Variants in LRP1B observed in about 807,000 individuals in gnomAD.
LRP1B encodes the protein LDL receptor related protein 1B.
In LRP1B, 217 loss-of-function variants were observed where a neutral mutation model predicts 556.6. That is an observed-to-expected ratio of 0.39 (90% confidence interval 0.35 to 0.44). The LOEUF is 0.44. LRP1B is among the 20% of genes least tolerant of loss of function. The pLI, the probability that LRP1B is intolerant of heterozygous loss-of-function variation, is 1.00. For synonymous variants in LRP1B, 2,047 were observed against 1,865.8 expected, an observed-to-expected ratio of 1.10 and a Z score of -2.50; for missense variants, 5,053 against 5,620.8, an observed-to-expected ratio of 0.90 and a Z score of 3.23.
intron 60 of LRP1B, among the ~76,000 whole-genome samples, chr2:140,470,878 G>T (rs1015948417): frequency 4.6e-5 from 7 of 152,002 alleles, no homozygotes; most frequent in Non-Finnish European, 8.8e-5. Flanking sequence ...GAGCCTTGAG[G>T]TTCCCAGACT....
intron 2 of LRP1B, among the ~76,000 whole-genome samples, chr2:141,601,554 C>A (rs1183433239): frequency 6.6e-6 from 1 of 151,958 alleles, no homozygotes; most frequent in Non-Finnish European, 1.5e-5. Flanking sequence ...CTTGCCACTT[C>A]TAGACTATAT....
At chr2:140,973,495 CAAAAT>C (rs1396851294) in intron 18 of LRP1B, among the ~76,000 whole-genome samples, 1 of 151,914 alleles carries the variant, frequency 6.6e-6, no homozygotes. Flanking sequence ...AGAAGACTAT[CAAAAT>C]AAAACCTAAG....
chr2:140,495,751 G>A lies in LRP1B; in HGVS notation c.8851-3C>T, dbSNP rs1211640935. ...TGGAATCCAGGCCAGCATTTGCACTGGGAAAAGAAAAATGAGCATAATCAA... is the reference window on the plus strand; with the variant it reads ...TGGAATCCAGGCCAGCATTTGCACTAGGAAAAGAAAAATGAGCATAATCAA... On this transcript the variant is annotated splice_polypyrimidine_tract_variant and splice_region_variant and intron_variant, in intron 55 of 90. Coordinates refer to ENST00000389484, the MANE Select transcript of LRP1B (RefSeq NM_018557.3). 4 of 1,597,022 alleles carry A rather than the reference G, an allele frequency of 2.5e-6. No homozygotes were observed. Among genetic ancestry groups the A allele is most frequent in the Admixed American group, 3.4e-5 (2 of 59,630 alleles).
intron 3 of LRP1B, among the ~76,000 whole-genome samples, chr2:141,427,483 G>C (rs1680412891): frequency 6.6e-6 from 1 of 152,100 alleles, no homozygotes; most frequent in Non-Finnish European, 1.5e-5. Context: ...CAGCAAAATT[G>C]CTGTCTTGAT....
At chr2:141,828,500 A>G (rs1307261484) in intron 1 of LRP1B, among the ~76,000 whole-genome samples, 1 of 152,184 alleles carries the variant, frequency 6.6e-6, no homozygotes, top group Admixed American at 6.5e-5. Context: ...AGATATTTCT[A>G]TAAAGAACGG....
chr2:141,711,313 C>G (rs1692346612), intron 2 of LRP1B, among the ~76,000 whole-genome samples: 1 of 152,138 alleles, frequency 6.6e-6, no homozygotes, highest in Admixed American at 6.5e-5. Flanking sequence ...GAATTCGAAC[C>G]AGGAGAAGTC....
chr2:141,475,364 CTAAA>C (rs1226786832), intron 3 of LRP1B, among the ~76,000 whole-genome samples: 1 of 152,046 alleles, frequency 6.6e-6, no homozygotes, highest in Non-Finnish European at 1.5e-5. Context: ...AAGATTCTGT[CTAAA>C]TAAATAAATA....
At chr2:141,031,858 C>A (rs1177125966) in intron 11 of LRP1B, among the ~76,000 whole-genome samples, 1 of 151,338 alleles carries the variant, frequency 6.6e-6, no homozygotes, top group East Asian at 1.9e-4. Context: ...TTTTTTTAAG[C>A]AATCATCCAT....
chr2:142,063,459 T>G (rs1704992803), intron 1 of LRP1B, among the ~76,000 whole-genome samples: 1 of 151,624 alleles, frequency 6.6e-6, no homozygotes, highest in African/African-American at 2.4e-5. Context: ...AGTATCAAAC[T>G]TTGAATTTCT....
At chr2:141,352,489 T>C (rs1688481223) in intron 3 of LRP1B, among the ~76,000 whole-genome samples, 1 of 151,964 alleles carries the variant, frequency 6.6e-6, no homozygotes, top group African/African-American at 2.4e-5. Flanking sequence ...ACATCTTATA[T>C]AACCATAGAG....
Position 141,752,225 on chromosome 2 carries a change from G to C in LRP1B, c.205+58054C>G, listed in dbSNP as rs538166584. On this transcript the variant is annotated intron_variant, in intron 2 of 90. Coordinates refer to ENST00000389484, the MANE Select transcript of LRP1B (RefSeq NM_018557.3). ...TTATGCAGGAAGTTTAATTTTCTGT[G>C]CTGTAGTTACAAATGCATTTTTAAG... Among the ~76,000 whole-genome samples, 9 of 152,126 alleles carry C rather than the reference G, an allele frequency of 5.9e-5. No individual in the cohort carries two copies. The South Asian group carries it at 1.9e-3, about 32-fold the overall frequency.
At chr2:141,881,604 C>T (rs7565562) in intron 1 of LRP1B, among the ~76,000 whole-genome samples, 1 of 151,862 alleles carries the variant, frequency 6.6e-6, no homozygotes, top group African/African-American at 2.4e-5. Flanking sequence ...GATTAAAAAC[C>T]AAGAGTGAGG....
At chr2:141,802,340 C>T (rs983257352) in intron 2 of LRP1B, among the ~76,000 whole-genome samples, 9 of 152,054 alleles carry the variant, frequency 5.9e-5, no homozygotes, top group African/African-American at 2.2e-4. Flanking sequence ...AGGTTTGGAT[C>T]CCTCCTACCC....
chr2:140,782,785 A>T (rs1006907301), intron 32 of LRP1B, among the ~76,000 whole-genome samples: 1 of 152,210 alleles, frequency 6.6e-6, no homozygotes, highest in Non-Finnish European at 1.5e-5. Context: ...AGCACTTACT[A>T]AGTTCCAGGC....
chr2:141,845,509 A>C (rs1423239460), intron 1 of LRP1B, among the ~76,000 whole-genome samples: 22 of 151,964 alleles, frequency 1.4e-4, no homozygotes, highest in Non-Finnish European at 3.2e-4. Flanking sequence ...AAAATTGTGA[A>C]GCCTCCTAGA....
At chr2:142,006,082 C>T (rs2105145737) in intron 1 of LRP1B, among the ~76,000 whole-genome samples, 1 of 152,142 alleles carries the variant, frequency 6.6e-6, no homozygotes, top group East Asian at 1.9e-4. Context: ...TCTTTCCCTT[C>T]TCTCTTTTCC....
At chr2:141,365,712 G>GCCCGGGCTGGAGTGCAGTGA (rs1390156939) in intron 3 of LRP1B, among the ~76,000 whole-genome samples, 108 of 115,792 alleles carry the variant, frequency 9.3e-4, no homozygotes, top group East Asian at 1.3e-3. Flanking sequence ...GAGTGCAGTG[G>GCCCGGGCTGGAGTGCAGTGA]CCCAGGCTGG....
chr2:142,120,840 T>C (rs933424068), intron 1 of LRP1B, among the ~76,000 whole-genome samples: 2 of 152,128 alleles, frequency 1.3e-5, no homozygotes, highest in Non-Finnish European at 2.9e-5. Flanking sequence ...TTAGGAAATA[T>C]GGTATTAATA....
At chr2:140,874,062 C>T (rs1693226316) in intron 25 of LRP1B, among the ~76,000 whole-genome samples, 1 of 151,338 alleles carries the variant, frequency 6.6e-6, no homozygotes, top group African/African-American at 2.4e-5. Flanking sequence ...CAGAACAAAC[C>T]AGAAAGTCCA....
Sources: gnomAD v4.1 joint callset for allele counts (sites outside exome capture counted in the v4.1 genomes callset) on GRCh38, gnomAD v4.1.1 for gene constraint, MANE v1.5 for transcripts, NCBI Gene and HGNC (gene_info 2026-07-23, HGNC 2026-07-21) for gene names.